Variants in FN1 observed in about 807,000 individuals in gnomAD.
The protein encoded by FN1 is fibronectin.
A neutral mutation model predicts 297.3 loss-of-function variants in FN1; 106 were observed. That is an observed-to-expected ratio of 0.36 (90% confidence interval 0.30 to 0.42). The LOEUF is 0.42. FN1 is among the 10% of genes least tolerant of loss of function. The pLI is 1.00. For missense variants in FN1, 2,690 were observed against 3,124.9 expected, an observed-to-expected ratio of 0.86 and a Z score of 3.32; for synonymous variants, 1,149 against 1,152.6, an observed-to-expected ratio of 1.00 and a Z score of 0.06.
Position 215,422,160 on chromosome 2 carries a change from T to G in FN1, c.1477A>C (p.Met493Leu). Reference protein sequence around the residue: ...QWDKQHDMGHMMRCTCVGNGR... With the variant: ...QWDKQHDMGHLMRCTCVGNGR... ...TTCCCAACACACGTGCACCTCATCA[T>G]GTGACCCATGTCATGCTGCTTATCC... Residue 493 changes from methionine to leucine, a missense_variant, in exon 10 of 46, where the codon ATG (methionine) becomes CTG (leucine). Physicochemically the swap from Met to Leu is conservative, Grantham distance 15. Coordinates refer to ENST00000354785, the MANE Select transcript of FN1 (RefSeq NM_212482.4). 1 of 1,614,180 alleles carries G rather than the reference T, an allele frequency of 6.2e-7. No individual in the cohort carries two copies. The highest frequency in any genetic ancestry group is 8.5e-7 in the Non-Finnish European group (1 of 1,179,986).
chr2:215,365,047 A>G, intron 43 of FN1, 62 bp from the exon 44 acceptor site: 1 of 1,062,424 alleles, frequency 9.4e-7, no homozygotes, highest in South Asian at 1.4e-5. Context: ...GACTTGATCT[A>G]GGGGTGGGTT....
chr2:215,435,329 A>G (rs1263564128), intron 1 of FN1, among the ~76,000 whole-genome samples: 1 of 152,234 alleles, frequency 6.6e-6, no homozygotes, highest in African/African-American at 2.4e-5. Flanking sequence ...CACTAATCCC[A>G]GACGGAAAAT....
intron 26 of FN1, among the ~76,000 whole-genome samples, chr2:215,388,970 T>A (rs1159927457): frequency 6.6e-6 from 1 of 152,190 alleles, no homozygotes; most frequent in Non-Finnish European, 1.5e-5. Flanking sequence ...GGACTAGTGG[T>A]CTTAATAATT....
chr2:215,420,747 C>G lies in FN1; in HGVS notation c.1601G>C (p.Arg534Pro), dbSNP rs142165052. Residue 534 changes from arginine (R) to proline (P), a missense_variant, in exon 11 of 46, where the codon CGT (arginine) becomes CCT (proline). Physicochemically the swap from Arg to Pro is moderately radical, Grantham distance 103. Around this residue, in one of 3 missense-constraint regions of FN1, gnomAD observed 876 missense variants for 1,058.1 expected, o/e 0.83. Transcript: ENST00000354785. ...TYNVNDTFHK[R>P]HEEGHMLNCT... ...GTTCAGCATGTGCCCCTCTTCATGA[C>G]GCTTGTGGAATGTGTCGTTCACATT... The G allele has an allele frequency of 3.1e-6, 5 of 1,613,960 alleles. No homozygotes were observed. Among genetic ancestry groups the G allele is most frequent in the Non-Finnish European group, 4.2e-6 (5 of 1,179,964 alleles).
chr2:215,361,025 G>T lies in FN1; in HGVS notation c.*530C>A, dbSNP rs1375853002. The T allele has an allele frequency of 6.4e-6, 1 of 156,600 alleles. No individual in the cohort carries two copies. The allele number at this position is 156,600 out of a possible 1,614,324, so 9.7% of individuals were successfully genotyped here. A position where few individuals can be genotyped will look rare whatever the true frequency, so the allele number is the denominator to read the frequency against. The stretch of plus-strand genomic sequence containing the variant: ...CAATTTTTTCCGTATAAAAATACTG[G>T]GAAAAATTGATAAATAACAGGTAAG... On this transcript the variant is annotated 3_prime_UTR_variant, in exon 46 of 46. Transcript: ENST00000354785.
rs540085129 is a variant in FN1, at chr2:215,428,994, G to A, written c.686-656C>T. ...CACACCATTGCACTCCAGCCTGGGCGACAGGGTGAGACTGTCTCAAAAACA... is the reference window on the plus strand; with the variant it reads ...CACACCATTGCACTCCAGCCTGGGCAACAGGGTGAGACTGTCTCAAAAACA... On this transcript the variant is annotated intron_variant, in intron 5 of 45. Coordinates refer to ENST00000354785, the MANE Select transcript of FN1 (RefSeq NM_212482.4). Among the ~76,000 whole-genome samples, 10 of 152,104 alleles carry A rather than the reference G, an allele frequency of 6.6e-5. No individual in the cohort carries two copies. The South Asian group carries it at 1.5e-3, about 22-fold the overall frequency.
rs1349127847 is a variant in FN1, at chr2:215,394,515, A to G, written c.3796+13T>C. ...AGTGTCACTCTCAGGATAGCAGCTT[A>G]TTTTTCTATTACCTGGGATGATGGT... On this transcript the variant is annotated intron_variant, in intron 24 of 45. Transcript: ENST00000354785. 2 of 1,605,814 alleles carry G rather than the reference A, an allele frequency of 1.2e-6. No homozygotes were observed. The highest frequency in any genetic ancestry group is 1.7e-6 in the Non-Finnish European group (2 of 1,173,022).
intron 38 of FN1, among the ~76,000 whole-genome samples, chr2:215,374,697 T>C (rs1378805774): frequency 1.3e-5 from 2 of 152,216 alleles, no homozygotes; most frequent in African/African-American, 4.8e-5. Flanking sequence ...GCAAAAATAA[T>C]ACTAGAGGCT....
intron 17 of FN1, 51 bp from the exon 18 acceptor site, chr2:215,407,372 G>T (rs1468633186): frequency 4.9e-6 from 7 of 1,431,644 alleles, no homozygotes; most frequent in Admixed American, 1.7e-5. Flanking sequence ...TGAGACAGAG[G>T]CTTAGAAACA....
intron 22 of FN1, 71 bp downstream of exon 22, chr2:215,397,609 T>C (rs76567207): frequency 3.8e-6 from 5 of 1,302,858 alleles, no homozygotes; most frequent in Admixed American, 1.7e-5. Context: ...AAAAGTGATA[T>C]TGACACTAGC....
chr2:215,426,122 T>C (rs146469890), intron 6 of FN1, among the ~76,000 whole-genome samples: 38 of 150,874 alleles, frequency 2.5e-4, no homozygotes, highest in African/African-American at 8.5e-4. Context: ...CACAACAGGA[T>C]GTGTTGATCT....
At position 215,434,740 on chromosome 2, in the gene FN1, CA is replaced by C. The variant is rs2067161580; in HGVS notation, c.232del (p.Cys78ValfsTer42). Reference sequence around the variant, plus strand: ...GTTAAAACCTCGGCTTCCTCCATAACAAGTACAAACCAACGCATTGCCTAGG... The same window carrying C: ...GTTAAAACCTCGGCTTCCTCCATAACAGTACAAACCAACGCATTGCCTAGG... Reference protein sequence around the residue: ...TYLGNALVCTCYGGSRGFNCE... With the variant: ...TYLGNALVCTXYGGSRGFNCE... On this transcript the variant is annotated frameshift_variant, in exon 2 of 46. Coordinates refer to ENST00000354785, the MANE Select transcript of FN1 (RefSeq NM_212482.4). LOFTEE classifies it high-confidence loss of function. 6.2e-7 allele frequency: 1 copy of C among 1,614,050 alleles called. No individual in the cohort carries two copies. The highest frequency in any genetic ancestry group is 8.5e-7 in the Non-Finnish European group (1 of 1,180,028).
At chr2:215,409,365 A>G (rs2062239199) in intron 15 of FN1, among the ~76,000 whole-genome samples, 198 bp downstream of exon 15, 1 of 152,140 alleles carries the variant, frequency 6.6e-6, no homozygotes, top group Non-Finnish European at 1.5e-5. Flanking sequence ...AACATGTGAC[A>G]GTGGCTTGGG....
At chr2:215,392,795 A>C in intron 25 of FN1, 136 bp downstream of exon 25, 1 of 937,696 alleles carries the variant, frequency 1.1e-6, no homozygotes, top group East Asian at 2.5e-5. Flanking sequence ...TTGATTCCTT[A>C]TCCCCCCAAT....
intron 5 of FN1, among the ~76,000 whole-genome samples, chr2:215,429,940 G>A (rs1250238): frequency 0.27 from 40,907 of 152,058 alleles, 7,095 homozygotes; most frequent in East Asian, 0.92. Context: ...GAAGTCTGAT[G>A]ATCACAGTAA....
At position 215,408,206 on chromosome 2, in the gene FN1, G is replaced by T; in HGVS notation, c.2429-9C>A. On this transcript the variant is annotated splice_polypyrimidine_tract_variant and intron_variant, in intron 16 of 45. Transcript: ENST00000354785. ...AGGAGGGGCATCAGGCGCTAAGAAA[G>T]AAAGAAAGTGGGGCAAACAGTCAGG... 6.2e-7 allele frequency: 1 copy of T among 1,613,888 alleles called. No homozygotes were observed. Among genetic ancestry groups the T allele is most frequent in the Non-Finnish European group, 8.5e-7 (1 of 1,179,814 alleles).
chr2:215,395,793 T>G (rs2060239420), intron 23 of FN1, among the ~76,000 whole-genome samples: 1 of 152,140 alleles, frequency 6.6e-6, no homozygotes, highest in African/African-American at 2.4e-5. Context: ...GAAACCCAAC[T>G]GAATGAGAAA....
chr2:215,413,546 C>T (rs1180358715), intron 13 of FN1, among the ~76,000 whole-genome samples: 2 of 152,176 alleles, frequency 1.3e-5, no homozygotes, highest in African/African-American at 4.8e-5. Context: ...TTCTTGGAGA[C>T]CTCAATCCCT....
At chr2:215,362,385 G>A in intron 44 of FN1, 9 of 398,906 alleles carry the variant, frequency 2.3e-5, no homozygotes, top group South Asian at 2.1e-4. Context: ...TCCTCAACAA[G>A]TTCTCTGCAC....
Sources: gnomAD v4.1 joint callset for allele counts (sites outside exome capture counted in the v4.1 genomes callset) on GRCh38, gnomAD v4.1.1 for gene constraint, gnomAD v4.1.1 regional missense constraint, MANE v1.5 for transcripts, NCBI Gene and HGNC (gene_info 2026-07-23, HGNC 2026-07-21) for gene names.